The following TRDN variants were observed in gnomAD, a reference collection of about 807,000 sequenced individuals.
TRDN encodes the protein triadin in skeletal muscle.
A neutral mutation model predicts 149.7 loss-of-function variants in TRDN; 161 were observed. The ratio of observed to expected loss-of-function variants is 1.08; its 90% CI spans 0.95 to 1.23. The LOEUF (loss-of-function observed/expected upper bound fraction) is 1.23, where lower values mean the gene tolerates loss of function less well. TRDN is among the 50% of genes most tolerant of loss of function. The pLI, the probability that TRDN is intolerant of heterozygous loss-of-function variation, is 0.00. For missense variants in TRDN, 896 were observed against 823.5 expected, an observed-to-expected ratio of 1.09 and a Z score of -1.08; for synonymous variants, 294 against 250.5, an observed-to-expected ratio of 1.17 and a Z score of -1.64.
intron 19 of TRDN, 76 bp downstream of exon 19, chr6:123,375,529 G>A: frequency 7.9e-7 from 1 of 1,273,228 alleles, no homozygotes. Flanking sequence ...ATTAGCATTA[G>A]CATAGTCTAT....
intron 1 of TRDN, among the ~76,000 whole-genome samples, chr6:123,593,378 G>A (rs962719404): frequency 2.0e-5 from 3 of 152,122 alleles, no homozygotes; most frequent in African/African-American, 7.2e-5. Context: ...CTTAACCATG[G>A]GTGAAAGCTG....
chr6:123,533,201 G>A (rs1019438007), intron 4 of TRDN, among the ~76,000 whole-genome samples: 2 of 152,112 alleles, frequency 1.3e-5, no homozygotes, highest in African/African-American at 4.8e-5. Flanking sequence ...CATTCACCAT[G>A]TAATGGGGAG....
At chr6:123,285,671 A>C (rs976682602) in intron 24 of TRDN, among the ~76,000 whole-genome samples, 1 of 152,098 alleles carries the variant, frequency 6.6e-6, no homozygotes, top group African/African-American at 2.4e-5. Context: ...TGGAACAAAA[A>C]CTATGATAAA....
chr6:123,367,071 C>T (rs1390204745), intron 19 of TRDN, among the ~76,000 whole-genome samples: 1 of 152,090 alleles, frequency 6.6e-6, no homozygotes, highest in Admixed American at 6.5e-5. Context: ...TTTGGTTTCT[C>T]TAAATACTTA....
chr6:123,634,737 A>C (rs1786202454), intron 1 of TRDN, among the ~76,000 whole-genome samples: 1 of 149,096 alleles, frequency 6.7e-6, no homozygotes, highest in Non-Finnish European at 1.5e-5. Context: ...TTTGAGAAAT[A>C]TTATTAATAA....
chr6:123,590,555 G>A (rs184699528), intron 1 of TRDN, among the ~76,000 whole-genome samples: 1 of 152,248 alleles, frequency 6.6e-6, no homozygotes, highest in African/African-American at 2.4e-5. Context: ...ATGAGGTCAG[G>A]AGTTTGAGAC....
intron 12 of TRDN, among the ~76,000 whole-genome samples, chr6:123,410,288 T>C (rs145453938): frequency 6.6e-6 from 1 of 152,240 alleles, no homozygotes; most frequent in African/African-American, 2.4e-5. Flanking sequence ...AGAGATCAAA[T>C]TGGTAAGACA....
At chr6:123,540,288 G>C (rs1375029748) in intron 4 of TRDN, among the ~76,000 whole-genome samples, 1 of 152,158 alleles carries the variant, frequency 6.6e-6, no homozygotes, top group African/African-American at 2.4e-5. Flanking sequence ...CTCTTCTACT[G>C]AGTTGCTAAG....
Position 123,218,476 on chromosome 6 carries a change from G to T in TRDN, c.*125C>A. 1 of 1,184,488 alleles carries T rather than the reference G, an allele frequency of 8.4e-7. No individual in the cohort carries two copies. Among genetic ancestry groups the T allele is most frequent in the Non-Finnish European group, 1.2e-6 (1 of 862,964 alleles). 73.4% of individuals were successfully genotyped at this position (1,184,488 alleles called of 1,614,324 possible). On this transcript the variant is annotated 3_prime_UTR_variant, in exon 41 of 41. Transcript: ENST00000334268. Reference sequence around the variant, plus strand: ...TGGCCACCCTTTCCGTCCACACCAGGCCAAAGAGCAAAATGTTTTCACAGA... The same window carrying T: ...TGGCCACCCTTTCCGTCCACACCAGTCCAAAGAGCAAAATGTTTTCACAGA...
At chr6:123,614,514 T>G (rs186712949) in intron 1 of TRDN, among the ~76,000 whole-genome samples, 1 of 151,620 alleles carries the variant, frequency 6.6e-6, no homozygotes. Flanking sequence ...TTACACTTAT[T>G]GAAGATATTT....
intron 1 of TRDN, among the ~76,000 whole-genome samples, chr6:123,598,642 T>C (rs1243198815): frequency 1.3e-5 from 2 of 152,108 alleles, no homozygotes; most frequent in African/African-American, 4.8e-5. Context: ...TATTGGAACA[T>C]AGCCACACCC....
At chr6:123,250,600 T>G (rs1776339137) in intron 38 of TRDN, among the ~76,000 whole-genome samples, 4 of 152,122 alleles carry the variant, frequency 2.6e-5, no homozygotes. Flanking sequence ...GAAAACCACC[T>G]TATTAAACAA....
chr6:123,222,417 A>G (rs1775182164), intron 39 of TRDN, among the ~76,000 whole-genome samples: 1 of 151,744 alleles, frequency 6.6e-6, no homozygotes, highest in African/African-American at 2.4e-5. Context: ...GTTGATCTGT[A>G]TAAACATTAA....
At chr6:123,320,183 T>C (rs1450245014) in intron 23 of TRDN, among the ~76,000 whole-genome samples, 1 of 151,230 alleles carries the variant, frequency 6.6e-6, no homozygotes, top group Non-Finnish European at 1.5e-5. Flanking sequence ...CACATAGATA[T>C]CTCACATGTG....
At chr6:123,282,404 A>G (rs1777616579) in intron 24 of TRDN, among the ~76,000 whole-genome samples, 1 of 152,012 alleles carries the variant, frequency 6.6e-6, no homozygotes, top group African/African-American at 2.4e-5. Flanking sequence ...GTGAAATAAT[A>G]TCATTTAATA....
intron 10 of TRDN, among the ~76,000 whole-genome samples, chr6:123,441,591 T>C (rs900614891): frequency 2.6e-5 from 4 of 152,148 alleles, no homozygotes; most frequent in African/African-American, 9.7e-5. Flanking sequence ...GCCACAAATA[T>C]GTTATTAGCT....
chr6:123,464,338 A>G, intron 10 of TRDN: 1 of 978,194 alleles, frequency 1.0e-6, no homozygotes, highest in Non-Finnish European at 1.2e-6. Context: ...CCAGTTGTAT[A>G]TAGTACTTAT....
At chr6:123,585,744 C>T (rs1385189943) in intron 1 of TRDN, among the ~76,000 whole-genome samples, 1 of 152,056 alleles carries the variant, frequency 6.6e-6, no homozygotes, top group Admixed American at 6.6e-5. Flanking sequence ...AGATTTCTGG[C>T]ACTTGTAGCA....
intron 1 of TRDN, among the ~76,000 whole-genome samples, chr6:123,600,347 C>T (rs1268737856): frequency 1.3e-5 from 2 of 151,992 alleles, no homozygotes; most frequent in African/African-American, 2.4e-5. Context: ...ATGTAGAACA[C>T]CATTGAATCT....
Sources: gnomAD v4.1 joint callset for allele counts (sites outside exome capture counted in the v4.1 genomes callset) on GRCh38, gnomAD v4.1.1 for gene constraint, MANE v1.5 for transcripts, NCBI Gene and HGNC (gene_info 2026-07-23, HGNC 2026-07-21) for gene names.